RBFOX1: variants seen among roughly 807,000 people sequenced by gnomAD.
RBFOX1 encodes the protein RNA binding fox-1 homolog 1, also known as RNA binding protein fox-1 homolog 1.
Under a neutral mutation model 57.7 loss-of-function variants are expected in RBFOX1, and 8 were observed. That is an observed-to-expected ratio of 0.14 (90% CI 0.08 to 0.25). The LOEUF (loss-of-function observed/expected upper bound fraction) is 0.25. Ranked by LOEUF, RBFOX1 falls within the 10% of genes least tolerant of loss-of-function variation. The probability of loss-of-function intolerance (pLI) is 1.00; values close to 1 mark genes in which losing one functional copy is unlikely to be tolerated. For synonymous variants in RBFOX1, 326 were observed against 222.4 expected (o/e 1.47, Z -4.15); for missense variants, 611 against 548.5 (o/e 1.11, Z -1.14).
chr16:7,526,743 C>A (rs2078792611), intron 5 of RBFOX1, among the ~76,000 whole-genome samples: 1 of 152,210 alleles, frequency 6.6e-6, no homozygotes, highest in Non-Finnish European at 1.5e-5. Flanking sequence ...ACTTTCCATG[C>A]ACAATCTCAA....
intron 2 of RBFOX1, among the ~76,000 whole-genome samples, chr16:6,516,655 G>A (rs2096384507): frequency 6.6e-6 from 1 of 152,174 alleles, no homozygotes; most frequent in African/African-American, 2.4e-5. Context: ...AAGACAATCT[G>A]TTGATTGTCA....
intron 1 of RBFOX1, among the ~76,000 whole-genome samples, chr16:6,073,344 C>G (rs890705041): frequency 6.6e-6 from 1 of 152,168 alleles, no homozygotes; most frequent in Admixed American, 6.5e-5. Flanking sequence ...ATAAAATTCT[C>G]TCTTGTATCT....
chr16:6,553,724 G>A (rs2097036920), intron 2 of RBFOX1, among the ~76,000 whole-genome samples: 1 of 152,126 alleles, frequency 6.6e-6, no homozygotes, highest in Non-Finnish European at 1.5e-5. Flanking sequence ...GAAGAATGGA[G>A]GAGAGAAGGA....
At chr16:7,386,487 G>T (rs1004512081) in intron 4 of RBFOX1, among the ~76,000 whole-genome samples, 3 of 148,922 alleles carry the variant, frequency 2.0e-5, no homozygotes, top group Non-Finnish European at 4.4e-5. Context: ...TTGATTTTCT[G>T]TTCTTGTGTT....
chr16:5,718,435 T>C (rs1337008444), intron 3 of RBFOX1, among the ~76,000 whole-genome samples: 3 of 152,250 alleles, frequency 2.0e-5, no homozygotes, highest in African/African-American at 7.2e-5. Context: ...TGGTTTGTTA[T>C]GCAGGTGTTA....
intron 3 of RBFOX1, among the ~76,000 whole-genome samples, chr16:5,677,127 G>A (rs1412244440): frequency 1.3e-5 from 2 of 152,200 alleles, no homozygotes; most frequent in Non-Finnish European, 2.9e-5. Context: ...ACGGACAGAA[G>A]GGGAAGACCC....
chr16:6,980,538 G>T (rs985717752), intron 3 of RBFOX1, among the ~76,000 whole-genome samples: 5 of 152,152 alleles, frequency 3.3e-5, no homozygotes, highest in Admixed American at 3.3e-4. Flanking sequence ...TGTTTTCCAA[G>T]CTAACATTTG....
intron 1 of RBFOX1, among the ~76,000 whole-genome samples, chr16:5,394,041 C>A (rs558969799): frequency 6.6e-6 from 1 of 151,594 alleles, no homozygotes; most frequent in African/African-American, 2.4e-5. Flanking sequence ...TCTTTTTTTC[C>A]GAGACAGTGT....
At chr16:6,821,578 C>T (rs1006332665) in intron 3 of RBFOX1, among the ~76,000 whole-genome samples, 3 of 152,296 alleles carry the variant, frequency 2.0e-5, no homozygotes, top group South Asian at 4.1e-4. Context: ...CCGCTGGTAA[C>T]CACTGGTCGG....
intron 4 of RBFOX1, among the ~76,000 whole-genome samples, chr16:7,336,131 T>C (rs2096782574): frequency 6.6e-6 from 1 of 152,206 alleles, no homozygotes; most frequent in South Asian, 2.1e-4. Context: ...TTGTCTGACC[T>C]GGTAACACAG....
intron 4 of RBFOX1, among the ~76,000 whole-genome samples, chr16:7,157,761 C>A (rs2077448580): frequency 6.6e-6 from 1 of 152,110 alleles, no homozygotes; most frequent in East Asian, 1.9e-4. Flanking sequence ...AACAGCTTCA[C>A]AAAAATCAGA....
chr16:7,409,232 T>C (rs939404025), intron 4 of RBFOX1, among the ~76,000 whole-genome samples: 10 of 152,212 alleles, frequency 6.6e-5, no homozygotes, highest in African/African-American at 1.4e-4. Context: ...TGTGGTCTTA[T>C]CAGGCTGAGC....
At chr16:7,400,839 G>C (rs2098229920) in intron 4 of RBFOX1, among the ~76,000 whole-genome samples, 1 of 152,178 alleles carries the variant, frequency 6.6e-6, no homozygotes, top group Admixed American at 6.5e-5. Flanking sequence ...TGGTGCGCTT[G>C]CCCATTAAGT....
intron 3 of RBFOX1, among the ~76,000 whole-genome samples, chr16:6,824,374 C>G (rs932027763): frequency 3.3e-5 from 5 of 152,200 alleles, no homozygotes; most frequent in African/African-American, 7.2e-5. Context: ...CTACAGCATG[C>G]TCCAATCTGG....
chr16:6,733,835 G>C (rs1238333137), intron 3 of RBFOX1, among the ~76,000 whole-genome samples: 1 of 152,222 alleles, frequency 6.6e-6, no homozygotes, highest in Non-Finnish European at 1.5e-5. Flanking sequence ...TGGAAAGCAG[G>C]AGCTCACTCC....
intron 9 of RBFOX1, among the ~76,000 whole-genome samples, chr16:7,603,656 G>C (rs972694120): frequency 3.3e-5 from 5 of 152,114 alleles, no homozygotes; most frequent in Non-Finnish European, 5.9e-5. Context: ...AAGAGACTTT[G>C]ATATACGGTG....
At chr16:6,103,341 G>A (rs1417300232) in intron 1 of RBFOX1, among the ~76,000 whole-genome samples, 2 of 152,094 alleles carry the variant, frequency 1.3e-5, no homozygotes, top group African/African-American at 4.8e-5. Context: ...CCCTTCATAA[G>A]TATTTTTGTG....
At chr16:7,160,837 T>TCCTCCTC (rs2078177134) in intron 4 of RBFOX1, among the ~76,000 whole-genome samples, 1 of 109,996 alleles carries the variant, frequency 9.1e-6, no homozygotes, top group Non-Finnish European at 1.6e-5. Flanking sequence ...CCCTCCTCCT[T>TCCTCCTC]CCTCCTCCTC....
intron 1 of RBFOX1, among the ~76,000 whole-genome samples, chr16:6,169,871 T>A (rs2096945734): frequency 1.3e-5 from 2 of 152,202 alleles, no homozygotes; most frequent in African/African-American, 4.8e-5. Context: ...TTCAAGTGAT[T>A]CTCTGGCCTC....
Sources: gnomAD v4.1 joint callset for allele counts (sites outside exome capture counted in the v4.1 genomes callset) on GRCh38, gnomAD v4.1.1 for gene constraint, MANE v1.5 for transcripts, NCBI Gene and HGNC (gene_info 2026-07-23, HGNC 2026-07-21) for gene names.